The following HMCN1 variants were observed in gnomAD, a reference collection of about 807,000 sequenced individuals.
HMCN1 encodes hemicentin-1.
In HMCN1, 321 loss-of-function variants were observed where a neutral mutation model predicts 625.9. That is an observed-to-expected ratio of 0.51 (90% CI 0.47 to 0.56). The LOEUF (loss-of-function observed/expected upper bound fraction) is 0.56. HMCN1 is among the 20% of genes least tolerant of loss of function. The pLI, the probability that HMCN1 is intolerant of heterozygous loss-of-function variation, is 0.00. For synonymous variants in HMCN1, 2,425 were observed against 2,417.6 expected, an observed-to-expected ratio of 1.00 and a Z score of -0.09; for missense variants, 6,588 against 6,887.3, an observed-to-expected ratio of 0.96 and a Z score of 1.54.
At chr1:186,001,510 AATAAT>A in intron 27 of HMCN1, 79 bp from the exon 28 acceptor site, 1 of 1,594,420 alleles carries the variant, frequency 6.3e-7, no homozygotes, top group Non-Finnish European at 8.6e-7. Context: ...TCTTACTACT[AATAAT>A]ATAAACATTC....
Position 185,995,008 on chromosome 1 carries a change from C to A in HMCN1, c.3699C>A (p.Pro1233=). 6.2e-7 allele frequency: 1 copy of A among 1,613,780 alleles called. No homozygotes were observed. The highest frequency in any genetic ancestry group is 8.5e-7 in the Non-Finnish European group (1 of 1,179,798). The change falls in exon 24 of 107, where the codon CCC becomes CCA. Residue 1233 remains proline (P), a synonymous_variant. Transcript: ENST00000271588. ...DGTLSIDQAT[P]SDAGIYTCVA... Reference sequence around the variant, plus strand: ...CTTTAAGCATCGACCAAGCCACGCCCTCAGATGCTGGCATATATACATGTG... The same window carrying A: ...CTTTAAGCATCGACCAAGCCACGCCATCAGATGCTGGCATATATACATGTG...
intron 11 of HMCN1, among the ~76,000 whole-genome samples, chr1:185,947,197 G>A (rs1668392394): frequency 6.6e-6 from 1 of 152,120 alleles, no homozygotes; most frequent in Non-Finnish European, 1.5e-5. Context: ...AGATTTAATA[G>A]ACCTTTGTAG....
At chr1:185,831,839 T>TA (rs1231327299) in intron 1 of HMCN1, among the ~76,000 whole-genome samples, 9 of 151,966 alleles carry the variant, frequency 5.9e-5, no homozygotes, top group Admixed American at 1.3e-4. Context: ...TTAAAAGAAA[T>TA]AAAAAACCTT....
chr1:186,182,393 T>C, intron 105 of HMCN1, 106 bp downstream of exon 105: 3 of 1,320,776 alleles, frequency 2.3e-6, no homozygotes, highest in Non-Finnish European at 3.2e-6. Flanking sequence ...TTCCCCTTCT[T>C]ACCCATTCCC....
chr1:186,023,288 G>GTTTT, intron 36 of HMCN1, 135 bp downstream of exon 36: 24 of 526,388 alleles, frequency 4.6e-5, no homozygotes, highest in South Asian at 6.5e-5. Context: ...AAAACCTAGG[G>GTTTT]TTTTTTTTTT....
intron 68 of HMCN1, among the ~76,000 whole-genome samples, chr1:186,103,195 G>C (rs1660463938): frequency 1.3e-5 from 2 of 152,000 alleles, no homozygotes; most frequent in South Asian, 4.1e-4. Flanking sequence ...TTTCAGTCAA[G>C]TGAGACTGTT....
At chr1:186,037,374 G>A (rs532140029) in intron 36 of HMCN1, among the ~76,000 whole-genome samples, 6 of 152,028 alleles carry the variant, frequency 3.9e-5, no homozygotes, top group African/African-American at 1.4e-4. Context: ...TAACAGATCA[G>A]CATTATCAGT....
chr1:185,894,517 T>C (rs1453396773), intron 4 of HMCN1, among the ~76,000 whole-genome samples: 1 of 152,180 alleles, frequency 6.6e-6, no homozygotes, highest in East Asian at 1.9e-4. Flanking sequence ...TATCTAGAAG[T>C]GGGAAAGATG....
chr1:185,840,229 TA>T (rs1234215030), intron 1 of HMCN1, among the ~76,000 whole-genome samples: 3 of 152,210 alleles, frequency 2.0e-5, no homozygotes, highest in Non-Finnish European at 4.4e-5. Flanking sequence ...TAAAAGTAGA[TA>T]TAATAATCTG....
At chr1:185,852,352 T>A (rs904932421) in intron 2 of HMCN1, among the ~76,000 whole-genome samples, 2 of 151,796 alleles carry the variant, frequency 1.3e-5, no homozygotes, top group Admixed American at 6.6e-5. Context: ...ATATGAATTT[T>A]AAAAAAACAT....
In HMCN1 at chr1:186,007,195, G is replaced by A; in HGVS notation, c.4543G>A (p.Ala1515Thr). ...DRGQVLHLKNARRNDKGRYQC... is the reference protein window; with the variant it reads ...DRGQVLHLKNTRRNDKGRYQC... ...AGGACAAGTCTTACATTTAAAGAATGCACGGAGAAATGACAAGGGGCGCTA... is the reference window on the plus strand; with the variant it reads ...AGGACAAGTCTTACATTTAAAGAATACACGGAGAAATGACAAGGGGCGCTA... The change falls in exon 30 of 107, where the codon GCA becomes ACA. Residue 1515 changes from alanine to threonine, a missense_variant. Coordinates refer to ENST00000271588, the MANE Select transcript of HMCN1 (RefSeq NM_031935.3). 1 of 1,613,046 alleles carries A rather than the reference G, an allele frequency of 6.2e-7. No homozygotes were observed. The highest frequency in any genetic ancestry group is 2.2e-5 in the East Asian group (1 of 44,824).
At position 186,093,127 on chromosome 1, in the gene HMCN1, T is replaced by C. The variant is rs1443901545; in HGVS notation, c.9888-7T>C. On this transcript the variant is annotated splice_region_variant and splice_polypyrimidine_tract_variant and intron_variant, in intron 64 of 106. Coordinates refer to ENST00000271588, the MANE Select transcript of HMCN1 (RefSeq NM_031935.3). ...TCTCAGCCCCTCTGTTATGATCTTT[T>C]CCGTAGAGTGAGTGCAAATGGCAGC... 1 of 1,613,106 alleles carries C rather than the reference T, an allele frequency of 6.2e-7. No individual in the cohort carries two copies. The highest frequency in any genetic ancestry group is 8.5e-7 in the Non-Finnish European group (1 of 1,179,444).
chr1:185,938,915 T>G (rs1456634005), intron 11 of HMCN1, among the ~76,000 whole-genome samples: 2 of 152,002 alleles, frequency 1.3e-5, no homozygotes. Flanking sequence ...TGCAAGTAGT[T>G]TTGAAAAAAA....
chr1:186,181,816 G>C (rs1399510318), intron 104 of HMCN1, among the ~76,000 whole-genome samples: 1 of 151,996 alleles, frequency 6.6e-6, no homozygotes, highest in Non-Finnish European at 1.5e-5. Context: ...ATTCCTTAAA[G>C]AGTTTCATAT....
At chr1:185,880,805 G>A (rs1232828808) in intron 4 of HMCN1, among the ~76,000 whole-genome samples, 1 of 152,220 alleles carries the variant, frequency 6.6e-6, no homozygotes, top group East Asian at 1.9e-4. Context: ...CAGCTCTACT[G>A]CTATGTGTTA....
At chr1:185,857,318 G>C (rs1197095917) in intron 2 of HMCN1, among the ~76,000 whole-genome samples, 2 of 152,132 alleles carry the variant, frequency 1.3e-5, no homozygotes, top group Non-Finnish European at 2.9e-5. Flanking sequence ...AAAATATTGA[G>C]CAGGACTGTG....
chr1:186,079,750 T>A (rs1441777202), intron 55 of HMCN1, among the ~76,000 whole-genome samples: 1 of 152,210 alleles, frequency 6.6e-6, no homozygotes, highest in Non-Finnish European at 1.5e-5. Flanking sequence ...TAGATGTTCA[T>A]GCCTCAGGCT....
intron 4 of HMCN1, among the ~76,000 whole-genome samples, chr1:185,886,694 T>C (rs779247049): frequency 1.3e-5 from 2 of 152,124 alleles, no homozygotes; most frequent in Non-Finnish European, 2.9e-5. Context: ...TACACTCCAA[T>C]GTCAGCTCTC....
At chr1:186,024,830 A>G (rs1394307662) in intron 36 of HMCN1, among the ~76,000 whole-genome samples, 1 of 152,302 alleles carries the variant, frequency 6.6e-6, no homozygotes, top group Non-Finnish European at 1.5e-5. Context: ...GCTCTATAAC[A>G]GCAGCCCCCA....
Sources: gnomAD v4.1 joint callset for allele counts (sites outside exome capture counted in the v4.1 genomes callset) on GRCh38, gnomAD v4.1.1 for gene constraint, MANE v1.5 for transcripts, NCBI Gene and HGNC (gene_info 2026-07-23, HGNC 2026-07-21) for gene names.